The following EHMT2 variants were observed in gnomAD, a reference collection of about 807,000 sequenced individuals.
The protein encoded by EHMT2 is histone-lysine N-methyltransferase EHMT2.
A neutral mutation model predicts 143.3 loss-of-function variants in EHMT2; 59 were observed. The ratio of observed to expected loss-of-function variants is 0.41; its 90% CI spans 0.33 to 0.51. The LOEUF (loss-of-function observed/expected upper bound fraction) is 0.51. EHMT2 is among the 20% of genes least tolerant of loss of function. EHMT2 has a pLI of 0.18. For synonymous variants in EHMT2, 604 were observed against 651.5 expected (o/e 0.93, Z 1.11); for missense variants, 1,174 against 1,645.9 (o/e 0.71, Z 4.96).
intron 17 of EHMT2, 30 bp from the exon 18 acceptor site, chr6:31,886,712 G>C: frequency 6.2e-7 from 1 of 1,613,932 alleles, no homozygotes; most frequent in Non-Finnish European, 8.5e-7. Flanking sequence ...ATGAGCCTTT[G>C]GGCTGGCACC....
At chr6:31,886,953 A>T in intron 16 of EHMT2, 42 bp downstream of exon 16, 1 of 1,613,784 alleles carries the variant, frequency 6.2e-7, no homozygotes, top group Non-Finnish European at 8.5e-7. Flanking sequence ...GGAGGGGCCT[A>T]AGGGCCTGGT....
chr6:31,884,302 TG>T lies in EHMT2; in HGVS notation c.2771+89del. 7.5e-7 allele frequency: 1 copy of T among 1,338,982 alleles called. No homozygotes were observed. The highest frequency in any genetic ancestry group is 9.9e-7 in the Non-Finnish European group (1 of 1,011,954). The allele number at this position is 1,338,982 out of a possible 1,614,324, so 82.9% of individuals were successfully genotyped here. ...GATTCAGTGGTGCATGGGGAGGGGT[TG>T]GGGAATGTTGTGAGGATGCAATGGA... On this transcript the variant is annotated intron_variant, in intron 21 of 27. Coordinates refer to ENST00000375537, the Ensembl canonical transcript of EHMT2. The surrounding 1 kb of genome is among the most constrained non-coding windows in gnomAD (Gnocchi z 7.3).
chr6:31,889,350 G>T lies in EHMT2; in HGVS notation c.1000-8C>A. ...CCGGCCACTGGAACCACTCTGGGAA[G>T]GGGGAGGAGGAGGAGTTAGGAACCC... On this transcript the variant is annotated splice_polypyrimidine_tract_variant and splice_region_variant and intron_variant, in intron 8 of 27. Coordinates refer to ENST00000375537, the Ensembl canonical transcript of EHMT2. The surrounding 1 kb of genome is among the most constrained non-coding windows in gnomAD (Gnocchi z 5.1). 1 of 1,611,438 alleles carries T rather than the reference G, an allele frequency of 6.2e-7. No homozygotes were observed. Among genetic ancestry groups the T allele is most frequent in the South Asian group, 1.1e-5 (1 of 91,040 alleles).
chr6:31,888,731 T>C lies in EHMT2; in HGVS notation c.1233A>G (p.Thr411=), dbSNP rs377721434. The change falls in exon 11 of 28, where the codon ACA becomes ACG. Residue 411 remains threonine (T), a synonymous_variant. Transcript: ENST00000375537. The surrounding 1 kb of genome is among the most constrained non-coding windows in gnomAD (Gnocchi z 7.4). ...ACCCTCGCTCTGTCTCCAGCGAAGATGTGTCATTGGACACCCCTTGGATGG... is the reference window on the plus strand; with the variant it reads ...ACCCTCGCTCTGTCTCCAGCGAAGACGTGTCATTGGACACCCCTTGGATGG... The C allele has an allele frequency of 2.8e-5, 45 of 1,613,388 alleles. No homozygotes were observed. Among genetic ancestry groups the C allele is most frequent in the Non-Finnish European group, 3.5e-5 (41 of 1,180,008 alleles).
intron 25 of EHMT2, 41 bp downstream of exon 25, chr6:31,882,657 AT>A (rs1489101625): frequency 6.3e-6 from 10 of 1,580,228 alleles, no homozygotes; most frequent in Non-Finnish European, 8.6e-6. Flanking sequence ...GTGGCCATGT[AT>A]CCCCTTCCCA....
Position 31,884,101 on chromosome 6 carries a change from AT to A in EHMT2, c.2772-152del. ...ATGCAGGACAGCGAGTTAACATAGA[AT>A]TTTAGATAAACAAGAAATAGCTTTT... On this transcript the variant is annotated intron_variant, in intron 21 of 27. Coordinates refer to ENST00000375537, the Ensembl canonical transcript of EHMT2. The surrounding 1 kb of genome is among the most constrained non-coding windows in gnomAD (Gnocchi z 7.3). The A allele has an allele frequency of 1.1e-6, 1 of 885,834 alleles. No individual in the cohort carries two copies. Among genetic ancestry groups the A allele is most frequent in the Non-Finnish European group, 1.7e-6 (1 of 600,276 alleles). 54.9% of individuals were successfully genotyped at this position (885,834 alleles called of 1,614,324 possible). A position where few individuals can be genotyped will look rare whatever the true frequency, so the allele number is the denominator to read the frequency against.
exon 28 of EHMT2, chr6:31,879,830 C>G (rs1350412762): frequency 1.1e-5 from 6 of 523,656 alleles, no homozygotes; most frequent in Admixed American, 3.1e-5. Context: ...TTCAATTCAT[C>G]AAACTTCAAC....
In EHMT2 at chr6:31,888,050, G is replaced by A; in HGVS notation, c.1736C>T (p.Ser579Phe). Residue 579 changes from serine to phenylalanine, a missense_variant, in exon 13 of 28, where the codon TCT becomes TTT. Ser to Phe is a radical substitution (Grantham distance 155, BLOSUM62 -2). Around this residue, in one of 6 missense-constraint regions of EHMT2, gnomAD observed 608 missense variants for 903.7 expected, o/e 0.67. Coordinates refer to ENST00000375537, the Ensembl canonical transcript of EHMT2. The surrounding 1 kb of genome is among the most constrained non-coding windows in gnomAD (Gnocchi z 7.4). ...AGGGGGAGGCCAGTACCTGGGCTGA[G>A]AAGTGTCTGCTCTCCCGGGGACATC... 1.8e-5 allele frequency: 29 copies of A among 1,583,512 alleles called. No homozygotes were observed. Among genetic ancestry groups the A allele is most frequent in the Non-Finnish European group, 2.5e-5 (29 of 1,166,508 alleles).
In EHMT2 at chr6:31,888,102, C is replaced by G. The variant is rs547336061; in HGVS notation, c.1684G>C (p.Ala562Pro). 32 of 1,610,698 alleles carry G rather than the reference C, an allele frequency of 2.0e-5. No homozygotes were observed. The African/African-American group carries it at 3.9e-4, about 19-fold the overall frequency. The change falls in exon 13 of 28, where the codon GCT (alanine) becomes CCT (proline). Residue 562 changes from alanine to proline, a missense_variant. Transcript: ENST00000375537. This position sits in a 1 kb window ranked among gnomAD's most constrained non-coding sequence, Gnocchi z 7.4. ...TGGGACAGGGGTGGGGGTGCAGGAG[C>G]TGCAGTGCCGGCCGGTGGGGTCACC...
chr6:31,892,342 G>A (rs1362945960), intron 7 of EHMT2, 65 bp downstream of exon 7: 26 of 1,563,114 alleles, frequency 1.7e-5, no homozygotes, highest in Non-Finnish European at 2.3e-5. Flanking sequence ...GAACAAGGAG[G>A]ACTGGACAGT....
At chr6:31,894,023 G>A (rs1370063979) in intron 4 of EHMT2, among the ~76,000 whole-genome samples, 1 of 152,112 alleles carries the variant, frequency 6.6e-6, no homozygotes, top group Non-Finnish European at 1.5e-5. Context: ...TGCCCAAGCT[G>A]GAGTGCAGTG....
At position 31,889,543 on chromosome 6, in the gene EHMT2, TTCCTCCTCTTCCTCC is replaced by T; in HGVS notation, c.909_923del (p.Glu319_Glu323del). The T allele has an allele frequency of 6.2e-7, 1 of 1,610,792 alleles. No individual in the cohort carries two copies. Among genetic ancestry groups the T allele is most frequent in the Non-Finnish European group, 8.5e-7 (1 of 1,179,036 alleles). ...CCTCCTCCTCTTCCTCTTCTTCTTCTTCCTCCTCTTCCTCCTCCTCCTCTTCACTTAGTTGTTCAG... is the reference window on the plus strand; with the variant it reads ...CCTCCTCCTCTTCCTCTTCTTCTTCTTCCTCCTCTTCACTTAGTTGTTCAG... On this transcript the variant is annotated inframe_deletion, in exon 8 of 28. Transcript: ENST00000375537. The surrounding 1 kb of genome is among the most constrained non-coding windows in gnomAD (Gnocchi z 5.1).
chr6:31,888,094 T>C lies in EHMT2; in HGVS notation c.1692A>G (p.Ala564=), dbSNP rs759332893. The C allele has an allele frequency of 3.7e-6, 6 of 1,608,732 alleles. No individual in the cohort carries two copies. Among genetic ancestry groups the C allele is most frequent in the Non-Finnish European group, 4.2e-6 (5 of 1,178,084 alleles). Reference sequence around the variant, plus strand: ...GGACATCCTGGGACAGGGGTGGGGGTGCAGGAGCTGCAGTGCCGGCCGGTG... The same window carrying C: ...GGACATCCTGGGACAGGGGTGGGGGCGCAGGAGCTGCAGTGCCGGCCGGTG... The change falls in exon 13 of 28, where the codon GCA becomes GCG. Residue 564 remains alanine (A), a synonymous_variant. Transcript: ENST00000375537. The surrounding 1 kb of genome is among the most constrained non-coding windows in gnomAD (Gnocchi z 7.4).
In EHMT2 at chr6:31,892,388, C is replaced by T; in HGVS notation, c.864+19G>A. 2 of 1,608,818 alleles carry T rather than the reference C, an allele frequency of 1.2e-6. No homozygotes were observed. The highest frequency in any genetic ancestry group is 1.3e-5 in the African/African-American group (1 of 74,944). On this transcript the variant is annotated intron_variant, in intron 7 of 27. Coordinates refer to ENST00000375537, the Ensembl canonical transcript of EHMT2. The stretch of plus-strand genomic sequence containing the variant: ...CCTGGGGGAGCACCGGCGGGGAGGG[C>T]AGACCAGCTCTGTCTCACCTTGCTG...
At position 31,883,724 on chromosome 6, in the gene EHMT2, G is replaced by T; in HGVS notation, c.2916+82C>A. The T allele has an allele frequency of 6.4e-7, 1 of 1,554,008 alleles. No individual in the cohort carries two copies. The stretch of plus-strand genomic sequence containing the variant: ...TCAGCCAACCCTTCCTTGGCCAGGT[G>T]CCTTTGCTGGTTTGAAGCTTGTCCA... On this transcript the variant is annotated intron_variant, in intron 22 of 27. Transcript: ENST00000375537. The surrounding 1 kb of genome is among the most constrained non-coding windows in gnomAD (Gnocchi z 5.6).
At chr6:31,887,961 A>G in exon 14 of EHMT2, 1 of 1,589,326 alleles carries the variant, frequency 6.3e-7, no homozygotes, top group South Asian at 1.1e-5. Context: ...GCATCCGGGC[A>G]CTGTGGAAGA....
At position 31,886,908 on chromosome 6, in the gene EHMT2, G is replaced by A. The variant is rs748008913; in HGVS notation, c.2119-11C>T. ...TATGTTGGCTCCAGCCTGTGAGGGG[G>A]CAGGAGGGCTGGCACCAGGGAGGCA... On this transcript the variant is annotated splice_polypyrimidine_tract_variant and intron_variant, in intron 16 of 27. Coordinates refer to ENST00000375537, the Ensembl canonical transcript of EHMT2. 1.9e-6 allele frequency: 3 copies of A among 1,613,928 alleles called. No individual in the cohort carries two copies. The highest frequency in any genetic ancestry group is 1.7e-6 in the Non-Finnish European group (2 of 1,180,016).
At chr6:31,894,438 C>T (rs1466209338) in intron 4 of EHMT2, among the ~76,000 whole-genome samples, 3 of 152,134 alleles carry the variant, frequency 2.0e-5, no homozygotes, top group South Asian at 2.1e-4. Context: ...TGAGGCACCC[C>T]GCCTGGCCTA....
chr6:31,888,600 T>A lies in EHMT2; in HGVS notation c.1364A>T (p.Glu455Val), dbSNP rs1247562592. Residue 455 changes from glutamate to valine, a missense_variant and splice_region_variant, in exon 11 of 28, where the codon GAG becomes GTG. This residue lies in a region of EHMT2 where 608 missense variants were observed against 903.7 expected (regional missense o/e 0.67). Transcript: ENST00000375537. The surrounding 1 kb of genome is among the most constrained non-coding windows in gnomAD (Gnocchi z 7.4). ...TCTCCCACCAGCCCACGGCCCCACC[T>A]CTCCGTCCACACTCTCAGTGGCCAT... The A allele has an allele frequency of 6.2e-7, 1 of 1,612,486 alleles. No homozygotes were observed.
Sources: gnomAD v4.1 joint callset for allele counts (sites outside exome capture counted in the v4.1 genomes callset) on GRCh38, gnomAD v4.1.1 for gene constraint, gnomAD v4.1.1 regional missense constraint, Gnocchi (gnomAD v3.1) non-coding constraint, MANE v1.5 for transcripts, NCBI Gene and HGNC (gene_info 2026-07-23, HGNC 2026-07-21) for gene names.